Variants in EMP1 observed in about 807,000 individuals in gnomAD.
EMP1 encodes tumor-associated membrane protein.
EMP1 carries 5 observed loss-of-function variants against 15.7 expected under a neutral mutation model. That is an observed-to-expected ratio of 0.32 (90% CI 0.17 to 0.67). The LOEUF (loss-of-function observed/expected upper bound fraction) is 0.67, where lower values mean the gene tolerates loss of function less well. EMP1 is among the 30% of genes least tolerant of loss of function. The probability of loss-of-function intolerance (pLI) is 0.74; values close to 1 mark genes in which losing one functional copy is unlikely to be tolerated. For missense variants in EMP1, 166 were observed against 194.2 expected (o/e 0.85, Z 0.86); for synonymous variants, 78 against 76.7 (o/e 1.02, Z -0.09).
Position 13,204,929 on chromosome 12 carries a change from T to C in EMP1, c.-42-6540T>C, listed in dbSNP as rs1161307168. ...GGTGAATCTTCTGATAACCTGGTAG[T>C]TCTGCTGTGAAGACAACCATGCTAG... On this transcript the variant is annotated intron_variant, in intron 1 of 4. Coordinates refer to ENST00000256951, the MANE Select transcript of EMP1 (RefSeq NM_001423.3). 2.6e-5 allele frequency among the ~76,000 whole-genome samples: 4 copies of C among 152,302 alleles called. No individual in the cohort carries two copies. The East Asian group carries it at 7.7e-4, about 29-fold the overall frequency.
At position 13,219,444 on chromosome 12, in the gene EMP1, C is replaced by T. The variant is rs1034495504; in HGVS notation, c.*4753C>T. 6.6e-6 allele frequency: 1 copy of T among 152,230 alleles called. No individual in the cohort carries two copies. Among genetic ancestry groups the T allele is most frequent in the Non-Finnish European group, 1.5e-5 (1 of 68,038 alleles). 9.4% of individuals were successfully genotyped at this position (152,230 alleles called of 1,614,324 possible). On this transcript the variant is annotated 3_prime_UTR_variant, in exon 5 of 5. Coordinates refer to ENST00000256951, the MANE Select transcript of EMP1 (RefSeq NM_001423.3). ...GAAGCTCCAAACTTTCCTTCATCTT[C>T]CTGTCTTCTTCTGAGCCCTCCAAAC... is the stretch of plus-strand genomic sequence containing the variant.
intron 1 of EMP1, among the ~76,000 whole-genome samples, chr12:13,208,627 G>T (rs781012702): frequency 3.7e-4 from 56 of 152,226 alleles, no homozygotes; most frequent in Admixed American, 2.4e-3. Context: ...AAGCTAAACA[G>T]CCCCTCCTTC....
At chr12:13,209,839 G>A (rs1291189705) in intron 1 of EMP1, among the ~76,000 whole-genome samples, 1 of 152,160 alleles carries the variant, frequency 6.6e-6, no homozygotes, top group Non-Finnish European at 1.5e-5. Context: ...GAATGTGTGG[G>A]GGGATTACTA....
chr12:13,213,906 C>G, intron 4 of EMP1, 85 bp downstream of exon 4: 3 of 1,572,080 alleles, frequency 1.9e-6, no homozygotes, highest in Non-Finnish European at 2.6e-6. Flanking sequence ...CAGATTAGCA[C>G]ATGGTTCAGT....
rs1312972853 is a variant in EMP1, at chr12:13,217,008, C to T, written c.*2317C>T. 6.6e-6 allele frequency: 1 copy of T among 152,518 alleles called. No individual in the cohort carries two copies. Among genetic ancestry groups the T allele is most frequent in the East Asian group, 1.9e-4 (1 of 5,212 alleles). 9.4% of individuals were successfully genotyped at this position (152,518 alleles called of 1,614,324 possible). A position where few individuals can be genotyped will look rare whatever the true frequency, so the allele number is the denominator to read the frequency against. On this transcript the variant is annotated 3_prime_UTR_variant, in exon 5 of 5. Coordinates refer to ENST00000256951, the MANE Select transcript of EMP1 (RefSeq NM_001423.3). ...TAAACCTCTTAGGCAAAAAATGGAA[C>T]TTCATAAGCTAATACATTAGAAAGG... is the stretch of plus-strand genomic sequence containing the variant.
intron 1 of EMP1, among the ~76,000 whole-genome samples, chr12:13,198,094 T>C (rs930825423): frequency 2.0e-5 from 3 of 152,196 alleles, no homozygotes; most frequent in Non-Finnish European, 2.9e-5. Context: ...CCAGAAACGA[T>C]AAAAGAACTT....
rs1186704380 is a variant in EMP1 at position 13,213,711 on chromosome 12, TTCTC to T, written c.210_213del (p.Ile72SerfsTer82). 3.7e-6 allele frequency: 6 copies of T among 1,614,104 alleles called. No homozygotes were observed. Among genetic ancestry groups the T allele is most frequent in the South Asian group, 1.1e-5 (1 of 91,082 alleles). ...CTCAAGACAGTGCAGGCCTTCATGA[TTCTC>T]TCTATCATCTTCTGTGTCATTGCCC... On this transcript the variant is annotated frameshift_variant, in exon 4 of 5. Coordinates refer to ENST00000256951, the MANE Select transcript of EMP1 (RefSeq NM_001423.3). LOFTEE classifies it high-confidence loss of function.
In EMP1 at chr12:13,213,499, G is replaced by T; in HGVS notation, c.99G>T (p.Thr33=). The change falls in exon 3 of 5, where the codon ACG becomes ACT. Residue 33 remains threonine (T), a synonymous_variant. Transcript: ENST00000256951. Reference sequence around the variant, plus strand: ...TTCAGGTCTGGTTGGTTTCCAATACGGTAGATGCATCAGTAGGTCTTTGGA... The same window carrying T: ...TTCAGGTCTGGTTGGTTTCCAATACTGTAGATGCATCAGTAGGTCTTTGGA... ...TIANVWLVSN[T]VDASVGLWKN... is the part of the protein sequence containing the mutation. The T allele has an allele frequency of 6.2e-7, 1 of 1,614,108 alleles. No homozygotes were observed. The highest frequency in any genetic ancestry group is 8.5e-7 in the Non-Finnish European group (1 of 1,180,008).
chr12:13,211,547 A>T lies in EMP1; in HGVS notation c.37A>T (p.Ile13Phe). The change falls in exon 2 of 5, where the codon ATC (isoleucine) becomes TTC (phenylalanine). Residue 13 changes from isoleucine to phenylalanine, a missense_variant. Ile to Phe is a conservative substitution (Grantham distance 21). Coordinates refer to ENST00000256951, the MANE Select transcript of EMP1 (RefSeq NM_001423.3). This position sits in a 1 kb window ranked among gnomAD's most constrained non-coding sequence, Gnocchi z 4.7. ...VLLAGIFVVH[I>F]ATVIMLFVST... ...GCTGGCTGGTATCTTTGTGGTCCAC[A>T]TCGCTACTGTTATTATGCTATTTGT... 2 of 1,613,934 alleles carry T rather than the reference A, an allele frequency of 1.2e-6. No homozygotes were observed. Among genetic ancestry groups the T allele is most frequent in the South Asian group, 2.2e-5 (2 of 91,054 alleles).
Position 13,211,538 on chromosome 12 carries a change from G to A in EMP1, c.28G>A (p.Val10Met), listed in dbSNP as rs1206334286. The A allele has an allele frequency of 6.2e-7, 1 of 1,611,544 alleles. No homozygotes were observed. Among genetic ancestry groups the A allele is most frequent in the Admixed American group, 1.7e-5 (1 of 59,666 alleles). ...GTTGGTATTGCTGGCTGGTATCTTT[G>A]TGGTCCACATCGCTACTGTTATTAT... MLVLLAGIF[V>M]VHIATVIMLF... The change falls in exon 2 of 5, where the codon GTG becomes ATG. Residue 10 changes from valine (V) to methionine (M), a missense_variant. By Grantham distance (21) the Val-to-Met change is conservative. Transcript: ENST00000256951. The surrounding 1 kb of genome is among the most constrained non-coding windows in gnomAD (Gnocchi z 4.7).
At chr12:13,203,940 C>G (rs1300009842) in intron 1 of EMP1, among the ~76,000 whole-genome samples, 2 of 152,204 alleles carry the variant, frequency 1.3e-5, no homozygotes, top group Non-Finnish European at 2.9e-5. Context: ...CTCCTCACCC[C>G]TGACTATGTG....
rs1295289579 is a variant in EMP1, at chr12:13,214,924, G to A, written c.*233G>A. On this transcript the variant is annotated 3_prime_UTR_variant, in exon 5 of 5. Coordinates refer to ENST00000256951, the MANE Select transcript of EMP1 (RefSeq NM_001423.3). ...TGATGCTCCCTTGATGGGGTCCAGA[G>A]AGCCTCCCTGCAGCCACCAGACTTG... is the stretch of plus-strand genomic sequence containing the variant. 12 of 456,096 alleles carry A rather than the reference G, an allele frequency of 2.6e-5. No individual in the cohort carries two copies. The highest frequency in any genetic ancestry group is 4.4e-5 in the Non-Finnish European group (11 of 247,684). The allele number at this position is 456,096 out of a possible 1,614,324, so 28.3% of individuals were successfully genotyped here.
At chr12:13,199,770 A>G (rs548175682) in intron 1 of EMP1, among the ~76,000 whole-genome samples, 2 of 152,098 alleles carry the variant, frequency 1.3e-5, no homozygotes, top group South Asian at 4.2e-4. Flanking sequence ...AGTTCCTTAA[A>G]TCAAGCAAAA....
Position 13,217,238 on chromosome 12 carries a change from T to TA in EMP1, c.*2548dup, listed in dbSNP as rs1289845169. ...CTCTGTGAGTGAAGGGAGGCTTCAC[T>TA]ACTTTCTGTGAGCAGTAAGGACTGG... On this transcript the variant is annotated 3_prime_UTR_variant, in exon 5 of 5. Transcript: ENST00000256951. 2.0e-5 allele frequency: 3 copies of TA among 152,224 alleles called. No individual in the cohort carries two copies. Among genetic ancestry groups the TA allele is most frequent in the African/African-American group, 7.2e-5 (3 of 41,458 alleles). The allele number at this position is 152,224 out of a possible 1,614,324, so 9.4% of individuals were successfully genotyped here.
In EMP1 at chr12:13,211,461, C is replaced by A. The variant is rs747873381; in HGVS notation, c.-42-8C>A. 6.3e-7 allele frequency: 1 copy of A among 1,591,048 alleles called. No individual in the cohort carries two copies. Among genetic ancestry groups the A allele is most frequent in the East Asian group, 2.2e-5 (1 of 44,798 alleles). ...TAACCGTTTTTGTCCCTTTCTTTTTCTTTTCAGAACTCTCTTTGCTCACAA... is the reference window on the plus strand; with the variant it reads ...TAACCGTTTTTGTCCCTTTCTTTTTATTTTCAGAACTCTCTTTGCTCACAA... On this transcript the variant is annotated splice_region_variant and splice_polypyrimidine_tract_variant and intron_variant, in intron 1 of 4. Coordinates refer to ENST00000256951, the MANE Select transcript of EMP1 (RefSeq NM_001423.3). This position sits in a 1 kb window ranked among gnomAD's most constrained non-coding sequence, Gnocchi z 4.7.
intron 1 of EMP1, among the ~76,000 whole-genome samples, chr12:13,203,315 C>T (rs193266386): frequency 2.2e-4 from 33 of 152,358 alleles, no homozygotes; most frequent in Admixed American, 9.1e-4. Flanking sequence ...ACTCACGCTT[C>T]CGTCCTCGCC....
rs561037465 is a variant in EMP1, at chr12:13,216,051, C to T, written c.*1360C>T. ...AGATGGTAGACGAGCTGTCTGCTGCCGCAGGAGCACCTCTATACAGGACTT... is the reference window on the plus strand; with the variant it reads ...AGATGGTAGACGAGCTGTCTGCTGCTGCAGGAGCACCTCTATACAGGACTT... On this transcript the variant is annotated 3_prime_UTR_variant, in exon 5 of 5. Transcript: ENST00000256951. 194 of 187,216 alleles carry T rather than the reference C, an allele frequency of 1.0e-3. No homozygotes were observed. Among genetic ancestry groups the T allele is most frequent in the African/African-American group, 4.1e-3 (174 of 42,564 alleles). The allele number at this position is 187,216 out of a possible 1,614,324, so 11.6% of individuals were successfully genotyped here.
Position 13,216,243 on chromosome 12 carries a change from T to C in EMP1, c.*1552T>C. On this transcript the variant is annotated 3_prime_UTR_variant, in exon 5 of 5. Coordinates refer to ENST00000256951, the MANE Select transcript of EMP1 (RefSeq NM_001423.3). ...TCTGAGACATCTTGCCTACTTTTCT[T>C]TATTAGCTTTCTCCTCATCCATTTC... is the stretch of plus-strand genomic sequence containing the variant. 1.6e-6 allele frequency: 1 copy of C among 608,264 alleles called. No individual in the cohort carries two copies. The allele number at this position is 608,264 out of a possible 1,614,324, so 37.7% of individuals were successfully genotyped here. A position where few individuals can be genotyped will look rare whatever the true frequency, so the allele number is the denominator to read the frequency against.
rs1355010239 is a variant in EMP1 at position 13,217,802 on chromosome 12, G to C, written c.*3111G>C. 2 of 152,028 alleles carry C rather than the reference G, an allele frequency of 1.3e-5. No individual in the cohort carries two copies. Among genetic ancestry groups the C allele is most frequent in the African/African-American group, 4.8e-5 (2 of 41,362 alleles). The allele number at this position is 152,028 out of a possible 1,614,324, so 9.4% of individuals were successfully genotyped here. Reference sequence around the variant, plus strand: ...AACAGAAAAAATAAGATTCGCGTGTGTGTGCAAACATATATATAAATAAAT... The same window carrying C: ...AACAGAAAAAATAAGATTCGCGTGTCTGTGCAAACATATATATAAATAAAT... On this transcript the variant is annotated 3_prime_UTR_variant, in exon 5 of 5. Coordinates refer to ENST00000256951, the MANE Select transcript of EMP1 (RefSeq NM_001423.3).
Sources: allele counts gnomAD v4.1 joint callset (sites outside exome capture counted in the v4.1 genomes callset), GRCh38; gene constraint gnomAD v4.1.1; non-coding constraint Gnocchi (gnomAD v3.1); transcripts MANE v1.5; gene names NCBI Gene and HGNC (gene_info 2026-07-23, HGNC 2026-07-21).